SDK1: variants seen among roughly 807,000 people sequenced by gnomAD.
The protein encoded by SDK1 is sidekick cell adhesion molecule 1, also known as protein sidekick-1.
SDK1 carries 157 observed loss-of-function variants against 245.5 expected under a neutral mutation model. The ratio of observed to expected loss-of-function variants is 0.64; its 90% CI spans 0.56 to 0.73. The LOEUF (loss-of-function observed/expected upper bound fraction) is 0.73, where lower values mean the gene tolerates loss of function less well. SDK1 is among the 30% of genes least tolerant of loss of function. The pLI, the probability that SDK1 is intolerant of heterozygous loss-of-function variation, is 0.00. For missense variants in SDK1, 3,583 were observed against 3,002.3 expected (o/e 1.19, Z -4.52); for synonymous variants, 1,647 against 1,278.5 (o/e 1.29, Z -6.15).
chr7:4,241,565 C>T (rs957776991), intron 42 of SDK1, among the ~76,000 whole-genome samples: 2 of 152,292 alleles, frequency 1.3e-5, no homozygotes, highest in Admixed American at 6.5e-5. Context: ...TGGGATCAGA[C>T]AGAACAAATA....
chr7:3,347,150 G>A (rs917383849), intron 1 of SDK1, among the ~76,000 whole-genome samples: 4 of 151,564 alleles, frequency 2.6e-5, no homozygotes, highest in African/African-American at 4.9e-5. Flanking sequence ...GCATCCAGAC[G>A]TTAGCCGGTT....
intron 5 of SDK1, among the ~76,000 whole-genome samples, chr7:3,895,637 C>A (rs970662002): frequency 1.6e-4 from 22 of 139,296 alleles, no homozygotes; most frequent in Admixed American, 5.8e-4. Flanking sequence ...GAGGCTTCTT[C>A]TTCTTCCTCT....
intron 1 of SDK1, among the ~76,000 whole-genome samples, chr7:3,610,907 A>G (rs1781567765): frequency 6.6e-6 from 1 of 152,254 alleles, no homozygotes; most frequent in Non-Finnish European, 1.5e-5. Flanking sequence ...GGGACAAATT[A>G]CTTGGAGAAA....
chr7:4,028,554 A>G (rs1787543498), intron 17 of SDK1, among the ~76,000 whole-genome samples: 3 of 152,214 alleles, frequency 2.0e-5, no homozygotes, highest in Non-Finnish European at 2.9e-5. Flanking sequence ...GTGATGACAC[A>G]TTGTCTACAT....
intron 1 of SDK1, among the ~76,000 whole-genome samples, chr7:3,353,068 CTA>C (rs1420150295): frequency 6.6e-6 from 1 of 152,134 alleles, no homozygotes; most frequent in Non-Finnish European, 1.5e-5. Flanking sequence ...AGTACTTTTT[CTA>C]TATTATCCCA....
At chr7:3,926,840 A>G (rs541402001) in intron 5 of SDK1, among the ~76,000 whole-genome samples, 1 of 152,370 alleles carries the variant, frequency 6.6e-6, no homozygotes, top group African/African-American at 2.4e-5. Flanking sequence ...GACCCAGGCC[A>G]CATCAGGCTT....
chr7:3,527,766 T>A (rs1325905494), intron 1 of SDK1, among the ~76,000 whole-genome samples: 3 of 140,162 alleles, frequency 2.1e-5, no homozygotes, highest in Non-Finnish European at 4.6e-5. Flanking sequence ...GGGTGAGTAG[T>A]GGTAGGTGAG....
At chr7:3,732,378 G>T (rs1014909045) in intron 4 of SDK1, among the ~76,000 whole-genome samples, 2 of 152,200 alleles carry the variant, frequency 1.3e-5, no homozygotes, top group Non-Finnish European at 1.5e-5. Flanking sequence ...GTAGAATAAA[G>T]TAGAACTTTC....
In SDK1 at chr7:3,958,992, G is replaced by A; in HGVS notation, c.1212G>A (p.Val404=). The A allele has an allele frequency of 6.2e-7, 1 of 1,613,910 alleles. No individual in the cohort carries two copies. The highest frequency in any genetic ancestry group is 8.5e-7 in the Non-Finnish European group (1 of 1,179,830). ...TTTCAGCTGAAGTAGAAGAAACTGT[G>A]GACATCGGATGTCAAGCCATGGGTG... ...SRISAEVEET[V]DIGCQAMGVP... is the part of the protein sequence containing the mutation. The change falls in exon 8 of 45, where the codon GTG becomes GTA. Residue 404 remains valine, a synonymous_variant. Transcript: ENST00000404826.
At chr7:3,705,386 A>G (rs1262427365) in intron 4 of SDK1, among the ~76,000 whole-genome samples, 1 of 150,710 alleles carries the variant, frequency 6.6e-6, no homozygotes, top group African/African-American at 2.4e-5. Context: ...TAGTTCTCTG[A>G]AGAGATTTTT....
At chr7:3,611,832 G>T (rs149438311) in intron 1 of SDK1, among the ~76,000 whole-genome samples, 2 of 152,260 alleles carry the variant, frequency 1.3e-5, no homozygotes, top group African/African-American at 4.8e-5. Flanking sequence ...AATAATAGAT[G>T]ATTGTGGTGA....
chr7:4,129,429 A>AGGACAGCAGCTTGGGGTGGGGTG (rs1784641127), intron 26 of SDK1, among the ~76,000 whole-genome samples: 2 of 75,140 alleles, frequency 2.7e-5, no homozygotes, highest in Non-Finnish European at 3.0e-5. Context: ...GGGGTGGGGT[A>AGGACAGCAGCTTGGGGTGGGGTG]CCTACAGCAT....
intron 1 of SDK1, among the ~76,000 whole-genome samples, chr7:3,349,792 C>A (rs887227890): frequency 6.6e-6 from 1 of 151,808 alleles, no homozygotes; most frequent in African/African-American, 2.4e-5. Flanking sequence ...TTAGTAGAGA[C>A]GGGGTTTCAC....
At chr7:4,155,148 G>A (rs1299302621) in intron 30 of SDK1, among the ~76,000 whole-genome samples, 2 of 152,044 alleles carry the variant, frequency 1.3e-5, no homozygotes, top group Non-Finnish European at 2.9e-5. Context: ...CAGTGGGGCT[G>A]CTGCTCCCAT....
At chr7:3,615,063 C>T (rs1249491987) in intron 1 of SDK1, among the ~76,000 whole-genome samples, 1 of 151,684 alleles carries the variant, frequency 6.6e-6, no homozygotes, top group Non-Finnish European at 1.5e-5. Flanking sequence ...AATGATGATG[C>T]TCTATCAATA....
intron 1 of SDK1, among the ~76,000 whole-genome samples, chr7:3,305,228 A>T (rs1048035450): frequency 6.6e-6 from 1 of 152,166 alleles, no homozygotes; most frequent in Non-Finnish European, 1.5e-5. Context: ...CACTGGTGAA[A>T]ATTTAAAATA....
At chr7:3,332,578 A>G (rs1458297203) in intron 1 of SDK1, among the ~76,000 whole-genome samples, 1 of 152,202 alleles carries the variant, frequency 6.6e-6, no homozygotes, top group Non-Finnish European at 1.5e-5. Flanking sequence ...TGCCATTTAT[A>G]ATAAATGTAA....
intron 1 of SDK1, among the ~76,000 whole-genome samples, chr7:3,402,345 T>C (rs949661309): frequency 1.3e-5 from 2 of 152,190 alleles, no homozygotes; most frequent in Admixed American, 6.5e-5. Context: ...GTTTTTATTG[T>C]GTCTGCCCAA....
At chr7:3,448,421 T>C (rs1385788321) in intron 1 of SDK1, among the ~76,000 whole-genome samples, 2 of 152,182 alleles carry the variant, frequency 1.3e-5, no homozygotes, top group Admixed American at 6.5e-5. Context: ...TTATTTATTT[T>C]GGAAGTTTTC....
Sources: allele counts gnomAD v4.1 joint callset (sites outside exome capture counted in the v4.1 genomes callset), GRCh38; gene constraint gnomAD v4.1.1; transcripts MANE v1.5; gene names NCBI Gene and HGNC (gene_info 2026-07-23, HGNC 2026-07-21).